PSMB2: variants seen among roughly 807,000 people sequenced by gnomAD.
PSMB2 encodes the protein proteasome subunit beta type-2.
A neutral mutation model predicts 25.7 loss-of-function variants in PSMB2; 13 were observed. The ratio of observed to expected loss-of-function variants is 0.51; its 90% confidence interval spans 0.33 to 0.80. The LOEUF is 0.80. Among genes scored for constraint, PSMB2 ranks in the 30% least tolerant of loss-of-function variants. The pLI is 0.02. For missense variants in PSMB2, 202 were observed against 259.0 expected, an observed-to-expected ratio of 0.78 and a Z score of 1.51; for synonymous variants, 87 against 96.2, an observed-to-expected ratio of 0.90 and a Z score of 0.56.
At chr1:35,637,374 T>C (rs1651274182) in intron 1 of PSMB2, among the ~76,000 whole-genome samples, 1 of 152,186 alleles carries the variant, frequency 6.6e-6, no homozygotes, top group Non-Finnish European at 1.5e-5. Flanking sequence ...CTATTTAAAA[T>C]ACCTCACAAA....
At position 35,599,741 on chromosome 1, in the gene PSMB2, C is replaced by T; in HGVS notation, c.*3526G>A. ...TAGTTTTTTAAAATATGGAGAAAGA[C>T]CTGGAGAGGGAAGAGATTAAAAGTA... On this transcript the variant is annotated 3_prime_UTR_variant, in exon 6 of 6. Transcript: ENST00000373237. 1.0e-6 allele frequency: 1 copy of T among 983,906 alleles called. No homozygotes were observed. Among genetic ancestry groups the T allele is most frequent in the Non-Finnish European group, 1.2e-6 (1 of 828,700 alleles). 60.9% of individuals were successfully genotyped at this position (983,906 alleles called of 1,614,324 possible).
In PSMB2 at chr1:35,601,033, A is replaced by G; in HGVS notation, c.*2234T>C. On this transcript the variant is annotated 3_prime_UTR_variant, in exon 6 of 6. Coordinates refer to ENST00000373237, the MANE Select transcript of PSMB2 (RefSeq NM_002794.5). ...CTTTAGTAGCAGCACTCCACTGGGT[A>G]GGGCGTCAGAATCATCTGTGGCGCT... 1 of 235,554 alleles carries G rather than the reference A, an allele frequency of 4.2e-6. No homozygotes were observed. The highest frequency in any genetic ancestry group is 6.6e-6 in the Non-Finnish European group (1 of 152,468). The allele number at this position is 235,554 out of a possible 1,614,324, so 14.6% of individuals were successfully genotyped here.
At chr1:35,621,522 T>C (rs923994416) in intron 3 of PSMB2, among the ~76,000 whole-genome samples, 5 of 152,214 alleles carry the variant, frequency 3.3e-5, no homozygotes, top group African/African-American at 1.2e-4. Flanking sequence ...TTACAAAGAC[T>C]CAGAGACTAT....
chr1:35,627,082 T>C (rs1206276864), intron 3 of PSMB2, among the ~76,000 whole-genome samples: 1 of 75,210 alleles, frequency 1.3e-5, no homozygotes, highest in African/African-American at 5.4e-5. Context: ...GCACATAATA[T>C]ATGTTCAATG....
At chr1:35,605,902 C>T (rs965008790) in intron 4 of PSMB2, among the ~76,000 whole-genome samples, 10 of 152,152 alleles carry the variant, frequency 6.6e-5, no homozygotes, top group Admixed American at 4.6e-4. Context: ...GATGCCAAAT[C>T]AAGAAAGTCA....
Position 35,599,707 on chromosome 1 carries a change from T to A in PSMB2, c.*3560A>T. ...AGTTTTAAGGGCAGAGAGGAATGGA[T>A]GGTGAAACTAGTTTTTTAAAATATG... is the stretch of plus-strand genomic sequence containing the variant. On this transcript the variant is annotated 3_prime_UTR_variant, in exon 6 of 6. Transcript: ENST00000373237. 1.0e-6 allele frequency: 1 copy of A among 985,154 alleles called. No homozygotes were observed. The highest frequency in any genetic ancestry group is 1.2e-6 in the Non-Finnish European group (1 of 829,684). 61.0% of individuals were successfully genotyped at this position (985,154 alleles called of 1,614,324 possible).
chr1:35,639,205 G>C (rs779897010), intron 1 of PSMB2, among the ~76,000 whole-genome samples: 10 of 152,172 alleles, frequency 6.6e-5, no homozygotes, highest in Admixed American at 6.5e-4. Context: ...AGTGAGCCGA[G>C]ATCGCGCCAT....
In PSMB2 at chr1:35,599,650, T is replaced by A; in HGVS notation, c.*3617A>T. On this transcript the variant is annotated 3_prime_UTR_variant, in exon 6 of 6. Coordinates refer to ENST00000373237, the MANE Select transcript of PSMB2 (RefSeq NM_002794.5). The stretch of plus-strand genomic sequence containing the variant: ...GCATGTCAAATCAAAGAATTGGGCT[T>A]TATTCTCTTAAGCCATGGAAAACCA... The A allele has an allele frequency of 1.0e-6, 1 of 984,668 alleles. No homozygotes were observed. The highest frequency in any genetic ancestry group is 1.2e-6 in the Non-Finnish European group (1 of 829,226). The allele number at this position is 984,668 out of a possible 1,614,324, so 61.0% of individuals were successfully genotyped here.
chr1:35,627,610 C>T (rs1261944245), intron 3 of PSMB2, among the ~76,000 whole-genome samples: 1 of 152,154 alleles, frequency 6.6e-6, no homozygotes, highest in Non-Finnish European at 1.5e-5. Context: ...GGTCATACCA[C>T]TGCACTCCAG....
chr1:35,600,135 C>T lies in PSMB2; in HGVS notation c.*3132G>A, dbSNP rs1471119701. ...TCCAGCCTAGGTGATGGAGCAAGACCCTGTCTCTGAAAAACAACAATAAAA... is the reference window on the plus strand; with the variant it reads ...TCCAGCCTAGGTGATGGAGCAAGACTCTGTCTCTGAAAAACAACAATAAAA... On this transcript the variant is annotated 3_prime_UTR_variant, in exon 6 of 6. Transcript: ENST00000373237. 1 of 960,576 alleles carries T rather than the reference C, an allele frequency of 1.0e-6. No homozygotes were observed. The highest frequency in any genetic ancestry group is 1.2e-6 in the Non-Finnish European group (1 of 807,536). The allele number at this position is 960,576 out of a possible 1,614,324, so 59.5% of individuals were successfully genotyped here.
chr1:35,605,846 G>T (rs1200741325), intron 4 of PSMB2, among the ~76,000 whole-genome samples: 1 of 152,192 alleles, frequency 6.6e-6, no homozygotes, highest in Admixed American at 6.5e-5. Flanking sequence ...GGCTTCAGGG[G>T]TGGCTAGTAG....
At chr1:35,618,617 T>C (rs946101959) in intron 3 of PSMB2, among the ~76,000 whole-genome samples, 1 of 151,910 alleles carries the variant, frequency 6.6e-6, no homozygotes, top group African/African-American at 2.4e-5. Flanking sequence ...CACGTTAGGA[T>C]GTTGGTGCAT....
intron 3 of PSMB2, among the ~76,000 whole-genome samples, chr1:35,629,419 C>T (rs372302888): frequency 2.1e-4 from 32 of 152,134 alleles, no homozygotes; most frequent in Admixed American, 9.2e-4. Flanking sequence ...AACATGCTGT[C>T]GATGAAATGG....
At chr1:35,639,929 C>G (rs551371958) in intron 1 of PSMB2, among the ~76,000 whole-genome samples, 1 of 152,058 alleles carries the variant, frequency 6.6e-6, no homozygotes, top group South Asian at 2.1e-4. Context: ...GAGATAGGTG[C>G]TATTACATTA....
chr1:35,612,570 A>G (rs1650374309), intron 3 of PSMB2, among the ~76,000 whole-genome samples: 1 of 152,238 alleles, frequency 6.6e-6, no homozygotes, highest in Admixed American at 6.5e-5. Context: ...GACATAGAAT[A>G]CCTTGGTGTT....
chr1:35,611,014 C>CA (rs1557448721), intron 3 of PSMB2, among the ~76,000 whole-genome samples: 1 of 152,100 alleles, frequency 6.6e-6, no homozygotes, highest in Non-Finnish European at 1.5e-5. Flanking sequence ...CCAGCTGCGC[C>CA]ATTTACCATG....
intron 2 of PSMB2, among the ~76,000 whole-genome samples, chr1:35,632,830 G>A (rs992400856): frequency 6.6e-6 from 1 of 151,942 alleles, no homozygotes; most frequent in Non-Finnish European, 1.5e-5. Context: ...GGAATTCGAG[G>A]CTGCAATGAG....
intron 2 of PSMB2, among the ~76,000 whole-genome samples, chr1:35,635,873 C>T (rs1307273892): frequency 6.9e-6 from 1 of 145,726 alleles, no homozygotes; most frequent in Admixed American, 6.8e-5. Flanking sequence ...CCACATAAGT[C>T]TTAAAGAATA....
intron 3 of PSMB2, among the ~76,000 whole-genome samples, chr1:35,616,112 G>T (rs1650484584): frequency 1.3e-5 from 2 of 152,074 alleles, no homozygotes; most frequent in Non-Finnish European, 2.9e-5. Context: ...ACAAATGTGG[G>T]GACTAAACTT....
Sources: allele counts gnomAD v4.1 joint callset (sites outside exome capture counted in the v4.1 genomes callset), GRCh38; gene constraint gnomAD v4.1.1; transcripts MANE v1.5; gene names NCBI Gene and HGNC (gene_info 2026-07-23, HGNC 2026-07-21).